FCRL3: variants seen among roughly 807,000 people sequenced by gnomAD.
FCRL3 encodes the protein Fc receptor like 3.
A neutral mutation model predicts 75.0 loss-of-function variants in FCRL3; 89 were observed. The ratio of observed to expected loss-of-function variants is 1.19; its 90% CI spans 1.00 to 1.42. The LOEUF (loss-of-function observed/expected upper bound fraction) is 1.42. FCRL3 is among the 40% of genes most tolerant of loss of function. FCRL3 has a pLI of 0.00. For synonymous variants in FCRL3, 376 were observed against 348.5 expected (o/e 1.08, Z -0.88); for missense variants, 946 against 880.0 (o/e 1.07, Z -0.95).
At chr1:157,700,797 G>T, upstream of FCRL3, 1 of 1,143,054 alleles carries the variant, frequency 8.7e-7, no homozygotes, top group Non-Finnish European at 1.1e-6. Flanking sequence ...ATATCAAGTT[G>T]TGTATTTGCT....
intron 10 of FCRL3, among the ~76,000 whole-genome samples, chr1:157,688,463 T>C (rs1480381017): frequency 6.6e-6 from 1 of 152,030 alleles, no homozygotes; most frequent in Non-Finnish European, 1.5e-5. Context: ...GCAGAAGAAA[T>C]GGATAAATTC....
At chr1:157,680,596 GC>G (rs1313776431) in intron 13 of FCRL3, 105 bp downstream of exon 13, 1 of 888,186 alleles carries the variant, frequency 1.1e-6, no homozygotes, top group Non-Finnish European at 1.8e-6. Context: ...GGCAAGTAAT[GC>G]CTTGCGTGTT....
intron 13 of FCRL3, among the ~76,000 whole-genome samples, chr1:157,680,364 G>A (rs1165591437): frequency 6.6e-6 from 1 of 152,218 alleles, no homozygotes; most frequent in Non-Finnish European, 1.5e-5. Context: ...TAGAAATAAA[G>A]AGACCAGTTA....
At position 157,700,588 on chromosome 1, in the gene FCRL3, G is replaced by T. The variant is rs1656256343; in HGVS notation, c.-96-3C>A. On this transcript the variant is annotated splice_region_variant and splice_polypyrimidine_tract_variant and intron_variant, in intron 1 of 14. Transcript: ENST00000368184. ...GGAAGCTGCTACTCAGATGAGACCT[G>T]CAAGAATCAGAAAAGGGAAGAAGAG... 1 of 1,598,510 alleles carries T rather than the reference G, an allele frequency of 6.3e-7. No homozygotes were observed. The highest frequency in any genetic ancestry group is 1.1e-5 in the South Asian group (1 of 89,402).
chr1:157,695,685 G>A, intron 7 of FCRL3, 78 bp from the exon 8 acceptor site: 1 of 1,458,060 alleles, frequency 6.9e-7, no homozygotes, highest in Non-Finnish European at 9.2e-7. Flanking sequence ...GCCTAGCAAT[G>A]GATATGTCCC....
chr1:157,681,844 T>A (rs1160715799), intron 11 of FCRL3, among the ~76,000 whole-genome samples: 1 of 152,092 alleles, frequency 6.6e-6, no homozygotes, highest in Non-Finnish European at 1.5e-5. Context: ...GTTGAACTAG[T>A]TTACAGTCCC....
intron 10 of FCRL3, among the ~76,000 whole-genome samples, chr1:157,683,541 G>T (rs374361037): frequency 3.3e-5 from 5 of 152,142 alleles, no homozygotes; most frequent in East Asian, 1.9e-4. Context: ...TGGGTCAGGT[G>T]CTCCCCTCAA....
rs1571182755 is a variant in FCRL3 at position 157,678,273 on chromosome 1, A to C, written c.*437T>G. 1 of 1,007,340 alleles carries C rather than the reference A, an allele frequency of 9.9e-7. No homozygotes were observed. The highest frequency in any genetic ancestry group is 1.2e-6 in the Non-Finnish European group (1 of 842,884). 62.4% of individuals were successfully genotyped at this position (1,007,340 alleles called of 1,614,324 possible). ...AGCAAGGATACAGCATATACACCAA[A>C]ACATCAGCAATGCCACTACCAGCCA... is the stretch of plus-strand genomic sequence containing the variant. On this transcript the variant is annotated 3_prime_UTR_variant, in exon 15 of 15. Transcript: ENST00000368184.
At chr1:157,690,082 A>G (rs1342786091) in intron 9 of FCRL3, among the ~76,000 whole-genome samples, 165 bp from the exon 10 acceptor site, 5 of 152,242 alleles carry the variant, frequency 3.3e-5, no homozygotes, top group Non-Finnish European at 7.3e-5. Flanking sequence ...ATCTAAGATT[A>G]AAATGTATTT....
At chr1:157,689,671 G>T in intron 10 of FCRL3, 127 bp downstream of exon 10, 1 of 1,232,374 alleles carries the variant, frequency 8.1e-7, no homozygotes, top group Non-Finnish European at 1.1e-6. Context: ...CAGAGTGACA[G>T]TGAGTAGTGG....
intron 7 of FCRL3, among the ~76,000 whole-genome samples, chr1:157,695,811 T>C (rs1472901307): frequency 6.6e-6 from 1 of 152,028 alleles, no homozygotes; most frequent in African/African-American, 2.4e-5. Context: ...TCATCACCAC[T>C]CAGTCTTCCC....
chr1:157,678,681 G>C lies in FCRL3; in HGVS notation c.*29C>G. 6.2e-7 allele frequency: 1 copy of C among 1,611,370 alleles called. No homozygotes were observed. The stretch of plus-strand genomic sequence containing the variant: ...AACAGAAAAAAAAATGGTGCAGGCT[G>C]TTTCCTGTGGGCCACTCTGGGTAAG... On this transcript the variant is annotated 3_prime_UTR_variant, in exon 15 of 15. Transcript: ENST00000368184.
At position 157,699,683 on chromosome 1, in the gene FCRL3, G is replaced by C; in HGVS notation, c.52+9C>G. On this transcript the variant is annotated intron_variant, in intron 3 of 14. Transcript: ENST00000368184. ...GAGACCAGAGGGGCAGAGAGAAGGAGAAACTTACCTGATTGTTCTCTTCCA... is the reference window on the plus strand; with the variant it reads ...GAGACCAGAGGGGCAGAGAGAAGGACAAACTTACCTGATTGTTCTCTTCCA... 2 of 1,607,370 alleles carry C rather than the reference G, an allele frequency of 1.2e-6. No individual in the cohort carries two copies. The highest frequency in any genetic ancestry group is 4.5e-5 in the East Asian group (2 of 44,842).
chr1:157,700,323 C>A, intron 2 of FCRL3, 136 bp downstream of exon 2: 1 of 1,332,366 alleles, frequency 7.5e-7, no homozygotes, highest in South Asian at 1.4e-5. Context: ...TCCAGGGAAC[C>A]CAGCTCTGCT....
In FCRL3 at chr1:157,697,010, A is replaced by T. The variant is rs1655952184; in HGVS notation, c.844+130T>A. ...GGCTGTTAGACCAACGTTGAGCTTA[A>T]AGAGAGAAGATTACCAGAATAGCTG... is the stretch of plus-strand genomic sequence containing the variant. On this transcript the variant is annotated intron_variant, in intron 6 of 14. Transcript: ENST00000368184. 1.1e-5 allele frequency: 10 copies of T among 928,576 alleles called. No individual in the cohort carries two copies. The Admixed American group carries it at 3.6e-4, about 33-fold the overall frequency. The allele number at this position is 928,576 out of a possible 1,614,324, so 57.5% of individuals were successfully genotyped here. A position where few individuals can be genotyped will look rare whatever the true frequency, so the allele number is the denominator to read the frequency against.
chr1:157,677,333 G>A lies in FCRL3; in HGVS notation c.*1377C>T, dbSNP rs1176214088. 10 of 986,262 alleles carry A rather than the reference G, an allele frequency of 1.0e-5. No individual in the cohort carries two copies. In the South Asian group the frequency reaches 2.3e-4, roughly 23 times the overall value. The allele number at this position is 986,262 out of a possible 1,614,324, so 61.1% of individuals were successfully genotyped here. A position where few individuals can be genotyped will look rare whatever the true frequency, so the allele number is the denominator to read the frequency against. ...GAATGCATGTAAGACATTCCCTAGG[G>A]ACTCCAAGAAATATTGATTAGAGGA... On this transcript the variant is annotated 3_prime_UTR_variant, in exon 15 of 15. Coordinates refer to ENST00000368184, the MANE Select transcript of FCRL3 (RefSeq NM_052939.4).
At chr1:157,679,213 GC>G (rs34056647) in intron 13 of FCRL3, 10 of 575,686 alleles carry the variant, frequency 1.7e-5, no homozygotes, top group Non-Finnish European at 2.8e-5. Context: ...AAAAAGTACT[GC>G]CCCAAGCACA....
rs778325733 is a variant in FCRL3 at position 157,678,509 on chromosome 1, G to T, written c.*201C>A. 64 of 1,420,536 alleles carry T rather than the reference G, an allele frequency of 4.5e-5. No homozygotes were observed. Among genetic ancestry groups the T allele is most frequent in the Non-Finnish European group, 5.6e-5 (61 of 1,091,090 alleles). 88.0% of individuals were successfully genotyped at this position (1,420,536 alleles called of 1,614,324 possible). A position where few individuals can be genotyped will look rare whatever the true frequency, so the allele number is the denominator to read the frequency against. On this transcript the variant is annotated 3_prime_UTR_variant, in exon 15 of 15. Transcript: ENST00000368184. ...CCACTGTGAAAATAACACAGTGCTT[G>T]CTCAGAGGCTGCCTGCTCTCTTCCT...
rs150091985 is a variant in FCRL3 at position 157,690,291 on chromosome 1, C to T, written c.1654G>A (p.Ala552Thr). The T allele has an allele frequency of 3.2e-5, 51 of 1,614,212 alleles. No individual in the cohort carries two copies. The African/African-American group carries it at 4.8e-4, about 15-fold the overall frequency. ...AGTGTCACCACTTTACTGTGCTGGG[C>T]CCCCAGGCCATTGTCAGCCTCACAT... ...YSCEADNGLG[A>T]QHSKVVTLNV... The change falls in exon 9 of 15, where the codon GCC (alanine) becomes ACC (threonine). Residue 552 changes from alanine to threonine, a missense_variant. By Grantham distance (58) the Ala-to-Thr change is moderately conservative. Transcript: ENST00000368184.
Sources: gnomAD v4.1 joint callset for allele counts (sites outside exome capture counted in the v4.1 genomes callset) on GRCh38, gnomAD v4.1.1 for gene constraint, MANE v1.5 for transcripts, NCBI Gene and HGNC (gene_info 2026-07-23, HGNC 2026-07-21) for gene names.